TCF7L1: variants seen among roughly 807,000 people sequenced by gnomAD.
TCF7L1 encodes the protein transcription factor 7-like 1.
In TCF7L1, 18 loss-of-function variants were observed where a neutral mutation model predicts 63.7. The observed-to-expected ratio is 0.28, with a 90% CI of 0.20 to 0.42. TCF7L1 has a LOEUF of 0.42. TCF7L1 is among the 10% of genes least tolerant of loss of function. The probability of loss-of-function intolerance (pLI) is 1.00; values close to 1 mark genes in which losing one functional copy is unlikely to be tolerated. For synonymous variants in TCF7L1, 355 were observed against 340.9 expected, an observed-to-expected ratio of 1.04 and a Z score of -0.46; for missense variants, 654 against 779.3, an observed-to-expected ratio of 0.84 and a Z score of 1.91.
intron 3 of TCF7L1, among the ~76,000 whole-genome samples, chr2:85,235,476 C>T (rs1680168485): frequency 6.6e-6 from 1 of 151,722 alleles, no homozygotes; most frequent in African/African-American, 2.4e-5. Flanking sequence ...AAGAGGAAGG[C>T]CCCGTGCTGG....
rs1682104923 is a variant in TCF7L1, at chr2:85,306,228, A to G, written c.1012A>G (p.Lys338Glu). 3 of 1,614,010 alleles carry G rather than the reference A, an allele frequency of 1.9e-6. No individual in the cohort carries two copies. The highest frequency in any genetic ancestry group is 1.1e-5 in the South Asian group (1 of 91,088). The change falls in exon 9 of 12, where the codon AAG becomes GAG. Residue 338 changes from lysine (K) to glutamate (E), a missense_variant. Physicochemically the swap from Lys to Glu is moderately conservative, Grantham distance 56. This residue lies in a region of TCF7L1 where 66 missense variants were observed against 120.5 expected (regional missense o/e 0.55). Transcript: ENST00000282111. This position sits in a 1 kb window ranked among gnomAD's most constrained non-coding sequence, Gnocchi z 4.3. ...CAGGAAATCACCAGTCACCGTGAAA[A>G]AGGAGGAGGAAAAGAAGCCCCACGT... ...VSVKSPVTVKKEEEKKPHVKK... is the reference protein window; with the variant it reads ...VSVKSPVTVKEEEEKKPHVKK...
chr2:85,177,270 C>T (rs1161757943), intron 3 of TCF7L1, among the ~76,000 whole-genome samples: 1 of 152,174 alleles, frequency 6.6e-6, no homozygotes, highest in Non-Finnish European at 1.5e-5. Flanking sequence ...CACCCAAAGG[C>T]CCCACCTCCA....
intron 3 of TCF7L1, among the ~76,000 whole-genome samples, chr2:85,191,234 C>A (rs1679033691): frequency 6.6e-6 from 1 of 152,208 alleles, no homozygotes. Context: ...CACAAACCCA[C>A]TGCATGGCCT....
intron 3 of TCF7L1, among the ~76,000 whole-genome samples, chr2:85,266,715 C>T (rs1007776974): frequency 6.6e-6 from 1 of 152,262 alleles, no homozygotes; most frequent in African/African-American, 2.4e-5. Flanking sequence ...CATATTGAAA[C>T]TTTCAATAAT....
intron 3 of TCF7L1, among the ~76,000 whole-genome samples, chr2:85,223,188 C>G (rs576890753): frequency 3.9e-5 from 6 of 152,152 alleles, no homozygotes; most frequent in Non-Finnish European, 8.8e-5. Context: ...CCCAAGCAAT[C>G]CCCCCACCTC....
chr2:85,163,281 T>A (rs1036794903), intron 3 of TCF7L1, among the ~76,000 whole-genome samples: 1 of 152,154 alleles, frequency 6.6e-6, no homozygotes, highest in African/African-American at 2.4e-5. Context: ...AGTTGAAAGC[T>A]CCTCACTGAA....
At chr2:85,178,247 A>G (rs1678723992) in intron 3 of TCF7L1, among the ~76,000 whole-genome samples, 1 of 152,200 alleles carries the variant, frequency 6.6e-6, no homozygotes, top group Admixed American at 6.5e-5. Flanking sequence ...CACTTTTCAG[A>G]ATTTCCTGTG....
chr2:85,229,370 G>GAACCTTATTCT (rs1680024271), intron 3 of TCF7L1, among the ~76,000 whole-genome samples: 1 of 150,982 alleles, frequency 6.6e-6, no homozygotes, highest in Non-Finnish European at 1.5e-5. Context: ...AAGGAAGGAA[G>GAACCTTATTCT]GAGATTGGAA....
Position 85,302,492 on chromosome 2 carries a change from A to G in TCF7L1, c.534A>G (p.Lys178=), listed in dbSNP as rs765495675. 5.3e-5 allele frequency: 86 copies of G among 1,614,018 alleles called. No homozygotes were observed. The highest frequency in any genetic ancestry group is 6.9e-5 in the Non-Finnish European group (82 of 1,180,036). ...TTTTTTGTCTCTTTCAGTCTAATAAAGTTCCTGTCGTTCAGCACCCGCATC... is the reference window on the plus strand; with the variant it reads ...TTTTTTGTCTCTTTCAGTCTAATAAGGTTCCTGTCGTTCAGCACCCGCATC... The part of the protein sequence containing the change: ...RSPSPAHLSN[K]VPVVQHPHHM... The change falls in exon 5 of 12, where the codon AAA becomes AAG. Residue 178 remains lysine (K), a synonymous_variant. Coordinates refer to ENST00000282111, the MANE Select transcript of TCF7L1 (RefSeq NM_031283.3).
chr2:85,172,284 A>C (rs75803014), intron 3 of TCF7L1, among the ~76,000 whole-genome samples: 475 of 152,074 alleles, frequency 3.1e-3, no homozygotes, highest in Middle Eastern at 0.014. Flanking sequence ...AATTCTTCCC[A>C]CTGAGCTGAC....
chr2:85,167,149 C>A (rs983167186), intron 3 of TCF7L1: 5 of 152,150 alleles, frequency 3.3e-5, no homozygotes, highest in Admixed American at 1.3e-4. Context: ...TAAGTACTTA[C>A]CTTTATAGTC....
At chr2:85,160,675 C>A (rs577824954) in intron 3 of TCF7L1, among the ~76,000 whole-genome samples, 4 of 151,760 alleles carry the variant, frequency 2.6e-5, no homozygotes, top group Non-Finnish European at 4.4e-5. Context: ...AGCAACAGGG[C>A]GAAACCCCAT....
Position 85,306,484 on chromosome 2 carries a change from G to A in TCF7L1, c.1182G>A (p.Lys394=). The A allele has an allele frequency of 1.2e-6, 2 of 1,614,154 alleles. No individual in the cohort carries two copies. The highest frequency in any genetic ancestry group is 1.7e-6 in the Non-Finnish European group (2 of 1,180,048). ...WHNLSREEQA[K]YYELARKERQ... is the part of the protein sequence containing the mutation. ...ACCTGTCTCGAGAAGAACAGGCCAAGTACTACGAGCTGGCCCGGAAGGAGC... is the reference window on the plus strand; with the variant it reads ...ACCTGTCTCGAGAAGAACAGGCCAAATACTACGAGCTGGCCCGGAAGGAGC... Residue 394 remains lysine (K), a synonymous_variant, in exon 10 of 12, where the codon AAG becomes AAA. Coordinates refer to ENST00000282111, the MANE Select transcript of TCF7L1 (RefSeq NM_031283.3). The surrounding 1 kb of genome is among the most constrained non-coding windows in gnomAD (Gnocchi z 4.3).
At position 85,134,104 on chromosome 2, in the gene TCF7L1, C is replaced by T. The variant is rs926417872; in HGVS notation, c.313+25C>T. 17 of 1,606,034 alleles carry T rather than the reference C, an allele frequency of 1.1e-5. No homozygotes were observed. Among genetic ancestry groups the T allele is most frequent in the Non-Finnish European group, 1.4e-5 (16 of 1,177,386 alleles). On this transcript the variant is annotated intron_variant, in intron 2 of 11. Transcript: ENST00000282111. This position sits in a 1 kb window ranked among gnomAD's most constrained non-coding sequence, Gnocchi z 5.0. ...GGTATGTGCCCGCTGGGACAGCCCC[C>T]CACTCTCGATTCCCGCTGCGCTCCG...
rs370947993 is a variant in TCF7L1 at position 85,185,262 on chromosome 2, AT to A, written c.441+50823del. ...TGAACTCATGAATCTGCATCACAGCATTTTTTTTTTTAAGAGATGGTGTGTT... is the reference window on the plus strand; with the variant it reads ...TGAACTCATGAATCTGCATCACAGCATTTTTTTTTTAAGAGATGGTGTGTT... On this transcript the variant is annotated intron_variant, in intron 3 of 11. Transcript: ENST00000282111. Among the ~76,000 whole-genome samples, 394 of 147,000 alleles carry A rather than the reference AT, an allele frequency of 2.7e-3. 2 individuals are homozygous for A. The highest frequency in any genetic ancestry group is 7.8e-3 in the African/African-American group (314 of 40,312).
At chr2:85,253,883 G>A (rs1432976976) in intron 3 of TCF7L1, among the ~76,000 whole-genome samples, 3 of 152,252 alleles carry the variant, frequency 2.0e-5, no homozygotes, top group Non-Finnish European at 4.4e-5. Context: ...ACTGGTAAGG[G>A]GTACAGTCAG....
At chr2:85,279,377 A>ACATT (rs60624652) in intron 3 of TCF7L1, among the ~76,000 whole-genome samples, 4 of 151,960 alleles carry the variant, frequency 2.6e-5, no homozygotes, top group Admixed American at 6.5e-5. Flanking sequence ...TGGGCAACGT[A>ACATT]GCAAGACCCC....
At chr2:85,287,281 A>G (rs1573026803) in intron 4 of TCF7L1, among the ~76,000 whole-genome samples, 1 of 152,238 alleles carries the variant, frequency 6.6e-6, no homozygotes, top group South Asian at 2.1e-4. Flanking sequence ...ATTAATACAC[A>G]TAATCAGTTG....
chr2:85,137,314 C>G (rs1007756387), intron 3 of TCF7L1, among the ~76,000 whole-genome samples: 1 of 152,162 alleles, frequency 6.6e-6, no homozygotes, highest in Non-Finnish European at 1.5e-5. Context: ...GCCATCTCTC[C>G]CCATGAGCCA....
Sources: allele counts gnomAD v4.1 joint callset (sites outside exome capture counted in the v4.1 genomes callset), GRCh38; gene constraint gnomAD v4.1.1; regional missense constraint gnomAD v4.1.1; non-coding constraint Gnocchi (gnomAD v3.1); transcripts MANE v1.5; gene names NCBI Gene and HGNC (gene_info 2026-07-23, HGNC 2026-07-21).